ADH4: variants seen among roughly 807,000 people sequenced by gnomAD.
The protein encoded by ADH4 is all-trans-retinol dehydrogenase [NAD(+)] ADH4.
Under a neutral mutation model 35.2 loss-of-function variants are expected in ADH4, and 31 were observed. That is an observed-to-expected ratio of 0.88 (90% confidence interval 0.66 to 1.19). ADH4 has a LOEUF of 1.19. Ranked by LOEUF, ADH4 falls within the 50% of genes most tolerant of loss-of-function variation. ADH4 has a pLI of 0.00. For missense variants in ADH4, 476 were observed against 458.3 expected (o/e 1.04, Z -0.35); for synonymous variants, 171 against 160.2 (o/e 1.07, Z -0.51).
chr4:99,134,092 A>G (rs1237528177), intron 5 of ADH4, among the ~76,000 whole-genome samples: 2 of 152,196 alleles, frequency 1.3e-5, no homozygotes, highest in Admixed American at 6.5e-5. Context: ...GATCTCACTT[A>G]TATGTGGAAA....
intron 4 of ADH4, 43 bp from the exon 5 acceptor site, chr4:99,136,740 A>C: frequency 7.8e-7 from 1 of 1,275,234 alleles, no homozygotes; most frequent in Non-Finnish European, 1.1e-6. Context: ...AAGAGAAGTT[A>C]TAATAAATGG....
chr4:99,143,033 T>A, intron 1 of ADH4: 1 of 671,056 alleles, frequency 1.5e-6, no homozygotes, highest in South Asian at 1.6e-5. Context: ...AACAGGTGTA[T>A]TAAAGTTTAC....
At chr4:99,133,480 G>A (rs1729348113) in intron 5 of ADH4, 1 of 152,218 alleles carries the variant, frequency 6.6e-6, no homozygotes, top group African/African-American at 2.4e-5. Context: ...CCAGAAGTAA[G>A]TTAAATTTTA....
At chr4:99,126,808 A>G (rs1442240164) in intron 7 of ADH4, 76 bp from the exon 8 acceptor site, 1 of 1,406,714 alleles carries the variant, frequency 7.1e-7, no homozygotes, top group Non-Finnish European at 9.6e-7. Flanking sequence ...TGCTGAATGA[A>G]TGAAATTATT....
intron 8 of ADH4, among the ~76,000 whole-genome samples, chr4:99,125,529 T>C (rs29001231): frequency 0.21 from 32,062 of 152,236 alleles, 4,057 homozygotes; most frequent in Non-Finnish European, 0.28. Context: ...AAACCCCACT[T>C]CAACTTCTAT....
chr4:99,137,308 A>G (rs924790711), intron 4 of ADH4, among the ~76,000 whole-genome samples: 4 of 151,786 alleles, frequency 2.6e-5, no homozygotes, highest in Non-Finnish European at 5.9e-5. Flanking sequence ...TTGTATTTTT[A>G]GTAGAGATGA....
At position 99,136,389 on chromosome 4, in the gene ADH4, A is replaced by C. The variant is rs1049094721; in HGVS notation, c.582+77T>G. 20 of 1,216,534 alleles carry C rather than the reference A, an allele frequency of 1.6e-5. No individual in the cohort carries two copies. The East Asian group carries it at 4.4e-4, about 27-fold the overall frequency. The allele number at this position is 1,216,534 out of a possible 1,614,324, so 75.4% of individuals were successfully genotyped here. On this transcript the variant is annotated intron_variant, in intron 5 of 8. Coordinates refer to ENST00000265512, the MANE Select transcript of ADH4 (RefSeq NM_000670.5). ...AATGACACAGCCACAGTTTGAAGATAACTAACTCTAGTTCATCTGTATCAC... is the reference window on the plus strand; with the variant it reads ...AATGACACAGCCACAGTTTGAAGATCACTAACTCTAGTTCATCTGTATCAC...
At chr4:99,136,951 C>T (rs189840297) in intron 4 of ADH4, among the ~76,000 whole-genome samples, 16 of 142,360 alleles carry the variant, frequency 1.1e-4, no homozygotes, top group African/African-American at 4.0e-4. Flanking sequence ...GTGCAGGGAA[C>T]AATTTTTTTT....
At chr4:99,128,388 A>G (rs979428592) in intron 6 of ADH4, among the ~76,000 whole-genome samples, 2 of 152,220 alleles carry the variant, frequency 1.3e-5, no homozygotes, top group African/African-American at 4.8e-5. Context: ...GTGAGCCAAA[A>G]TCGTGCCACT....
At chr4:99,140,444 C>T (rs936907595) in intron 3 of ADH4, among the ~76,000 whole-genome samples, 3 of 151,996 alleles carry the variant, frequency 2.0e-5, no homozygotes, top group Non-Finnish European at 4.4e-5. Flanking sequence ...TGTGATGGCT[C>T]ATGCCTGTAA....
At chr4:99,143,432 A>G (rs985229107) in intron 1 of ADH4, 1 of 407,356 alleles carries the variant, frequency 2.5e-6, no homozygotes, top group Non-Finnish European at 4.4e-6. Context: ...AATTTGGGTA[A>G]AGATGAATGA....
rs928612218 is a variant in ADH4, at chr4:99,127,289, ACTC to A, written c.896_898del (p.Gly299del). On this transcript the variant is annotated inframe_deletion, in exon 7 of 9. Coordinates refer to ENST00000265512, the MANE Select transcript of ADH4 (RefSeq NM_000670.5). ...AGTCAATCCTTTGCTACCAGCAGCT[ACTC>A]CAATGAAAGTACATGATCCCCAGCC... 1.2e-6 allele frequency: 2 copies of A among 1,612,326 alleles called. No individual in the cohort carries two copies. The highest frequency in any genetic ancestry group is 2.7e-5 in the African/African-American group (2 of 74,780).
intron 6 of ADH4, among the ~76,000 whole-genome samples, chr4:99,128,142 T>C (rs1056366601): frequency 6.6e-6 from 1 of 152,174 alleles, no homozygotes; most frequent in African/African-American, 2.4e-5. Context: ...GTTTAGACTT[T>C]AGTTAACAAG....
intron 5 of ADH4, among the ~76,000 whole-genome samples, chr4:99,135,365 G>T (rs1729403533): frequency 6.6e-6 from 1 of 152,154 alleles, no homozygotes; most frequent in African/African-American, 2.4e-5. Flanking sequence ...GGAGGTCAAG[G>T]CTGCAGTAAG....
At position 99,124,328 on chromosome 4, in the gene ADH4, A is replaced by T. The variant is rs29001238; in HGVS notation, c.*114T>A. On this transcript the variant is annotated 3_prime_UTR_variant, in exon 9 of 9. Coordinates refer to ENST00000265512, the MANE Select transcript of ADH4 (RefSeq NM_000670.5). ...AAAGCTCTTTTATGTTCCCATATTA[A>T]ATGTAAATATTTGTTTAAACTCATG... The T allele has an allele frequency of 1.3e-5, 9 of 717,408 alleles. No homozygotes were observed. The highest frequency in any genetic ancestry group is 2.1e-5 in the Non-Finnish European group (9 of 422,660). 44.4% of individuals were successfully genotyped at this position (717,408 alleles called of 1,614,324 possible). A position where few individuals can be genotyped will look rare whatever the true frequency, so the allele number is the denominator to read the frequency against.
chr4:99,127,371 G>A, intron 6 of ADH4, 27 bp from the exon 7 acceptor site: 1 of 1,548,352 alleles, frequency 6.5e-7, no homozygotes. Flanking sequence ...AAGAATACTT[G>A]AGTCAGTGGA....
chr4:99,132,916 C>G (rs29001197), intron 5 of ADH4, among the ~76,000 whole-genome samples: 56 of 152,196 alleles, frequency 3.7e-4, no homozygotes, highest in African/African-American at 1.3e-3. Flanking sequence ...GGTATACACA[C>G]CTCTGGCTTT....
Position 99,142,693 on chromosome 4 carries a change from C to T in ADH4, c.106G>A (p.Glu36Lys). The change falls in exon 2 of 9, where the codon GAA becomes AAA. Residue 36 changes from glutamate to lysine, a missense_variant. Physicochemically the swap from Glu to Lys is moderately conservative, Grantham distance 56. Coordinates refer to ENST00000265512, the MANE Select transcript of ADH4 (RefSeq NM_000670.5). ...TCTCCACTTACCTGAATGCGAACTT[C>T]ATGAGCCTTGGGGGGAGCTACTTCA... Reference protein sequence around the residue: ...EVEVAPPKAHEVRIQIIATSL... With the variant: ...EVEVAPPKAHKVRIQIIATSL... 1 of 1,584,574 alleles carries T rather than the reference C, an allele frequency of 6.3e-7. No homozygotes were observed. Among genetic ancestry groups the T allele is most frequent in the Non-Finnish European group, 8.6e-7 (1 of 1,168,802 alleles).
chr4:99,125,133 C>T (rs1729044499), intron 8 of ADH4, among the ~76,000 whole-genome samples: 1 of 152,178 alleles, frequency 6.6e-6, no homozygotes, highest in Non-Finnish European at 1.5e-5. Flanking sequence ...GTCATTGTAT[C>T]CCATCCCCAT....
Sources: gnomAD v4.1 joint callset for allele counts (sites outside exome capture counted in the v4.1 genomes callset) on GRCh38, gnomAD v4.1.1 for gene constraint, MANE v1.5 for transcripts, NCBI Gene and HGNC (gene_info 2026-07-23, HGNC 2026-07-21) for gene names.